The following TECTB variants were observed in gnomAD, a reference collection of about 807,000 sequenced individuals.
The protein encoded by TECTB is beta-tectorin.
Under a neutral mutation model 43.3 loss-of-function variants are expected in TECTB, and 45 were observed. The ratio of observed to expected loss-of-function variants is 1.04; its 90% confidence interval spans 0.82 to 1.33. The LOEUF (loss-of-function observed/expected upper bound fraction) is 1.33, where lower values mean the gene tolerates loss of function less well. Ranked by LOEUF, TECTB falls within the 40% of genes most tolerant of loss-of-function variation. TECTB has a pLI of 0.00. For synonymous variants in TECTB, 169 were observed against 156.7 expected (o/e 1.08, Z -0.59); for missense variants, 399 against 404.7 (o/e 0.99, Z 0.12).
intron 7 of TECTB, among the ~76,000 whole-genome samples, chr10:112,295,948 AC>A (rs1464331523): frequency 6.6e-6 from 1 of 152,134 alleles, no homozygotes; most frequent in East Asian, 1.9e-4. Flanking sequence ...TGTACTGTAA[AC>A]CTACCAGATC....
At chr10:112,288,345 A>T (rs924527262) in intron 5 of TECTB, among the ~76,000 whole-genome samples, 1 of 149,578 alleles carries the variant, frequency 6.7e-6, no homozygotes, top group African/African-American at 2.6e-5. Flanking sequence ...CTTAAAAAAA[A>T]ATAATAATAA....
rs1457347478 is a variant in TECTB at position 112,297,931 on chromosome 10, G to A, written c.672-138G>A. On this transcript the variant is annotated intron_variant, in intron 7 of 10. Coordinates refer to ENST00000646139, the MANE Select transcript of TECTB (RefSeq NM_058222.3). ...GACCTCACAGTTGTGAAGATCAAGT[G>A]AGGTGCTGCTAATCAAAATGCCTGG... The A allele has an allele frequency of 4.4e-5, 48 of 1,088,284 alleles. No homozygotes were observed. The South Asian group carries it at 6.5e-4, about 15-fold the overall frequency. The allele number at this position is 1,088,284 out of a possible 1,614,324, so 67.4% of individuals were successfully genotyped here.
chr10:112,287,300 G>A (rs1264767857), intron 5 of TECTB, among the ~76,000 whole-genome samples: 1 of 152,192 alleles, frequency 6.6e-6, no homozygotes, highest in Non-Finnish European at 1.5e-5. Flanking sequence ...TCAAAATAAA[G>A]TGCTCCAGAG....
intron 5 of TECTB, among the ~76,000 whole-genome samples, chr10:112,289,718 A>C (rs1275968512): frequency 6.6e-6 from 1 of 152,140 alleles, no homozygotes; most frequent in Non-Finnish European, 1.5e-5. Context: ...GTTGCTCAGT[A>C]TCCCTATTAA....
chr10:112,302,256 AGC>A, intron 10 of TECTB, 123 bp downstream of exon 10: 1 of 1,210,748 alleles, frequency 8.3e-7, no homozygotes. Context: ...TATACTTTAA[AGC>A]ACACCTGAGT....
rs369962738 is a variant in TECTB, at chr10:112,286,107, G to A, written c.304G>A (p.Val102Ile). ...PPIYHFYSHI[V>I]SNDTTVIVKN... ...TATCTATCACTTCTACAGTCACATC[G>A]TTTCCAATGACACCACAGTGATTGT... Residue 102 changes from valine to isoleucine, a missense_variant, in exon 4 of 11, where the codon GTT (valine) becomes ATT (isoleucine). Transcript: ENST00000646139. The A allele has an allele frequency of 1.3e-4, 214 of 1,614,036 alleles. 2 individuals carry two copies. The highest frequency in any genetic ancestry group is 1.1e-3 in the South Asian group (99 of 91,080).
At chr10:112,290,026 A>T (rs1254292530) in intron 5 of TECTB, among the ~76,000 whole-genome samples, 1 of 152,118 alleles carries the variant, frequency 6.6e-6, no homozygotes, top group East Asian at 1.9e-4. Context: ...CCATGGTTTC[A>T]GTTACCCTTG....
At chr10:112,301,446 T>A (rs1014322589) in intron 9 of TECTB, among the ~76,000 whole-genome samples, 3 of 151,908 alleles carry the variant, frequency 2.0e-5, no homozygotes, top group African/African-American at 7.2e-5. Context: ...CAAATTTCAG[T>A]GCCTTTAAAG....
chr10:112,297,277 A>T (rs1302440405), intron 7 of TECTB, among the ~76,000 whole-genome samples: 1 of 152,112 alleles, frequency 6.6e-6, no homozygotes, highest in Non-Finnish European at 1.5e-5. Context: ...CACAGTGCCA[A>T]ATGTCCCCTG....
chr10:112,292,199 T>C (rs1458425481), intron 5 of TECTB, among the ~76,000 whole-genome samples: 1 of 150,612 alleles, frequency 6.6e-6, no homozygotes, highest in African/African-American at 2.4e-5. Flanking sequence ...GTTACTAGGG[T>C]TGAATGAACT....
Position 112,301,997 on chromosome 10 carries a change from C to T in TECTB, c.908-104C>T, listed in dbSNP as rs373333371. The T allele has an allele frequency of 6.6e-4, 922 of 1,389,840 alleles. 15 individuals carry two copies. In the South Asian group the frequency reaches 0.011, roughly 17 times the overall value. 86.1% of individuals were successfully genotyped at this position (1,389,840 alleles called of 1,614,324 possible). ...AAGTGCTGGGATTACAAGTGTGAGCCGCAGCCCCCAGCCAGGTTTTGTGTT... is the reference window on the plus strand; with the variant it reads ...AAGTGCTGGGATTACAAGTGTGAGCTGCAGCCCCCAGCCAGGTTTTGTGTT... On this transcript the variant is annotated intron_variant, in intron 9 of 10. Transcript: ENST00000646139.
At position 112,304,652 on chromosome 10, in the gene TECTB, T is replaced by C. The variant is rs892992569; in HGVS notation, c.*1340T>C. 53 of 152,374 alleles carry C rather than the reference T, an allele frequency of 3.5e-4. No individual in the cohort carries two copies. The highest frequency in any genetic ancestry group is 1.2e-3 in the African/African-American group (49 of 41,588). 9.4% of individuals were successfully genotyped at this position (152,374 alleles called of 1,614,324 possible). On this transcript the variant is annotated 3_prime_UTR_variant, in exon 11 of 11. Transcript: ENST00000646139. ...AGAAGTTTTGCAATTTGCAGTTTGA[T>C]GATTCTTTTACAACTTGTGTTAGTG...
Position 112,303,454 on chromosome 10 carries a change from C to A in TECTB, c.*142C>A. On this transcript the variant is annotated 3_prime_UTR_variant, in exon 11 of 11. Coordinates refer to ENST00000646139, the MANE Select transcript of TECTB (RefSeq NM_058222.3). ...ATAGCACTTTGCCAAATATGCACTC[C>A]AATAATTTCTGTGAATTTGGTGATG... 3.0e-6 allele frequency: 3 copies of A among 996,012 alleles called. No individual in the cohort carries two copies. The highest frequency in any genetic ancestry group is 1.6e-5 in the South Asian group (1 of 63,958). 61.7% of individuals were successfully genotyped at this position (996,012 alleles called of 1,614,324 possible). A position where few individuals can be genotyped will look rare whatever the true frequency, so the allele number is the denominator to read the frequency against.
chr10:112,300,279 A>AAAGAAAGAAAGAAAGAAAAG (rs1361291056), intron 9 of TECTB, among the ~76,000 whole-genome samples: 17 of 48,370 alleles, frequency 3.5e-4, no homozygotes, highest in South Asian at 8.3e-4. Context: ...AGAAAGAAAG[A>AAAGAAAGAAAGAAAGAAAAG]AAAGAAAGAA....
At chr10:112,293,488 T>G (rs1488302002) in intron 5 of TECTB, among the ~76,000 whole-genome samples, 1 of 152,262 alleles carries the variant, frequency 6.6e-6, no homozygotes, top group Non-Finnish European at 1.5e-5. Flanking sequence ...AAATGAGACA[T>G]ACAGTGTGTG....
chr10:112,297,959 A>G, intron 7 of TECTB, 110 bp from the exon 8 acceptor site: 1 of 1,409,654 alleles, frequency 7.1e-7, no homozygotes. Context: ...ATGCCTGGGA[A>G]GGTTAGAGGT....
chr10:112,285,975 A>G (rs966810844), intron 3 of TECTB, 96 bp from the exon 4 acceptor site: 20 of 1,500,960 alleles, frequency 1.3e-5, no homozygotes, highest in Non-Finnish European at 1.7e-5. Context: ...TCCCCACTGG[A>G]CTTGTTTTTG....
intron 9 of TECTB, among the ~76,000 whole-genome samples, chr10:112,300,396 G>A (rs910786302): frequency 4.6e-5 from 7 of 152,238 alleles, no homozygotes; most frequent in Admixed American, 1.3e-4. Flanking sequence ...AATGTCATGT[G>A]CAAGTCAAAA....
At chr10:112,285,969 C>T in intron 3 of TECTB, 102 bp from the exon 4 acceptor site, 1 of 1,466,108 alleles carries the variant, frequency 6.8e-7, no homozygotes, top group South Asian at 1.3e-5. Flanking sequence ...TCTGTCTCCC[C>T]ACTGGACTTG....
Sources: gnomAD v4.1 joint callset for allele counts (sites outside exome capture counted in the v4.1 genomes callset) on GRCh38, gnomAD v4.1.1 for gene constraint, MANE v1.5 for transcripts, NCBI Gene and HGNC (gene_info 2026-07-23, HGNC 2026-07-21) for gene names.